The following SPADH variants were observed in gnomAD, a reference collection of about 807,000 sequenced individuals.
The protein encoded by SPADH is spermadhesin family member.
chr10:122,675,824 C>T, the SPADH span, among the ~76,000 whole-genome samples: 2 of 152,176 alleles, frequency 1.3e-5, no homozygotes, highest in African/African-American at 2.4e-5. Context: ...TTCATAATCG[C>T]TAATTCCCCC....
At chr10:122,675,267 C>T in the SPADH span, among the ~76,000 whole-genome samples, 1 of 152,114 alleles carries the variant, frequency 6.6e-6, no homozygotes, top group African/African-American at 2.4e-5. Context: ...AGGAATGTCT[C>T]GGATAATTCA....
At chr10:122,677,530 A>G in the SPADH span, among the ~76,000 whole-genome samples, 1 of 152,212 alleles carries the variant, frequency 6.6e-6, no homozygotes, top group Non-Finnish European at 1.5e-5. Context: ...GAATGAATGA[A>G]GTGATAAAGC....
the SPADH span, chr10:122,676,988 G>A: frequency 1.2e-6 from 1 of 835,806 alleles, no homozygotes; most frequent in Non-Finnish European, 1.4e-6. Flanking sequence ...CCCTATCCAT[G>A]ACAGCCATTT....
the SPADH span, among the ~76,000 whole-genome samples, chr10:122,674,387 T>C: frequency 2.0e-5 from 3 of 152,236 alleles, no homozygotes; most frequent in African/African-American, 7.2e-5. Context: ...CTCAAGGCCT[T>C]TGCCTAAGAA....
chr10:122,674,996 C>T, the SPADH span, among the ~76,000 whole-genome samples: 8 of 152,146 alleles, frequency 5.3e-5, no homozygotes, highest in African/African-American at 1.7e-4. Flanking sequence ...TCACGTGCAC[C>T]GTGGGACGTA....
chr10:122,675,192 G>A, the SPADH span, among the ~76,000 whole-genome samples: 1 of 152,200 alleles, frequency 6.6e-6, no homozygotes, highest in Non-Finnish European at 1.5e-5. Context: ...TTATATCAGA[G>A]TTAAGGTAGC....
At chr10:122,675,721 A>G in the SPADH span, 1 of 849,300 alleles carries the variant, frequency 1.2e-6, no homozygotes, top group Non-Finnish European at 1.4e-6. Context: ...ACACAGAGAC[A>G]CTGTTTTGGG....
chr10:122,672,903 G>A, the SPADH span: 6 of 985,338 alleles, frequency 6.1e-6, no homozygotes, highest in Non-Finnish European at 7.2e-6. Flanking sequence ...CAGAGCCTTC[G>A]CTTGGCCGCT....
the SPADH span, among the ~76,000 whole-genome samples, chr10:122,675,063 G>C: frequency 6.6e-6 from 1 of 152,304 alleles, no homozygotes; most frequent in South Asian, 2.1e-4. Flanking sequence ...TCCCTGAATA[G>C]TGAAATTTCC....
chr10:122,672,960 C>A, the SPADH span: 1 of 983,402 alleles, frequency 1.0e-6, no homozygotes, highest in South Asian at 4.7e-5. Flanking sequence ...TTCTTCTGGG[C>A]CTCGCACTGT....
chr10:122,677,631 C>T, the SPADH span, among the ~76,000 whole-genome samples: 1 of 152,320 alleles, frequency 6.6e-6, no homozygotes, highest in Non-Finnish European at 1.5e-5. Flanking sequence ...ACATTTCCAT[C>T]AATTCCAGAC....
chr10:122,678,426 A>T, the SPADH span, among the ~76,000 whole-genome samples: 1 of 152,178 alleles, frequency 6.6e-6, no homozygotes, highest in East Asian at 1.9e-4. Flanking sequence ...GTGTCCACAC[A>T]CTCATTTCTG....
the SPADH span, among the ~76,000 whole-genome samples, chr10:122,674,031 C>T: frequency 1.3e-5 from 2 of 152,228 alleles, no homozygotes; most frequent in African/African-American, 4.8e-5. Context: ...GGAACCCTAA[C>T]AGCTTGGTGG....
At chr10:122,675,705 T>C in the SPADH span, 2 of 937,544 alleles carry the variant, frequency 2.1e-6, no homozygotes, top group Non-Finnish European at 2.5e-6. Context: ...CTCTTTCCCT[T>C]GCCTCACACA....
chr10:122,676,459 C>T, the SPADH span, among the ~76,000 whole-genome samples: 9 of 152,332 alleles, frequency 5.9e-5, no homozygotes, highest in African/African-American at 2.2e-4. Context: ...TTTCTGTTCA[C>T]TAATCGGGCA....
chr10:122,677,027 C>A, the SPADH span: 16 of 531,806 alleles, frequency 3.0e-5, no homozygotes, highest in East Asian at 1.2e-3. Context: ...ATTTTCACTT[C>A]CTGTTGAAAG....
the SPADH span, among the ~76,000 whole-genome samples, chr10:122,677,469 G>A: frequency 6.6e-6 from 1 of 152,184 alleles, no homozygotes; most frequent in Non-Finnish European, 1.5e-5. Context: ...GACTTTGTTT[G>A]TGTCTACTAG....
the SPADH span, among the ~76,000 whole-genome samples, chr10:122,674,247 T>C: frequency 6.6e-6 from 1 of 152,182 alleles, no homozygotes. Flanking sequence ...GAGGAGTTAG[T>C]GAAGCAAAAG....
At chr10:122,677,449 T>A in the SPADH span, among the ~76,000 whole-genome samples, 59 of 152,344 alleles carry the variant, frequency 3.9e-4, no homozygotes, top group South Asian at 2.1e-3. Flanking sequence ...GTAATATTAC[T>A]CTTGGCTATG....
Sources: gnomAD v4.1 joint callset for allele counts (sites outside exome capture counted in the v4.1 genomes callset) on GRCh38, gnomAD v4.1.1 for gene constraint, MANE v1.5 for transcripts, NCBI Gene and HGNC (gene_info 2026-07-23, HGNC 2026-07-21) for gene names.